The following WNT4 variants were observed in gnomAD, a reference collection of about 807,000 sequenced individuals.
WNT4 encodes the protein Wnt family member 4.
WNT4 carries 16 observed loss-of-function variants against 34.5 expected under a neutral mutation model. The ratio of observed to expected loss-of-function variants is 0.46; its 90% confidence interval spans 0.31 to 0.70. The LOEUF (loss-of-function observed/expected upper bound fraction) is 0.70, where lower values mean the gene tolerates loss of function less well. WNT4 is among the 30% of genes least tolerant of loss of function. WNT4 has a pLI of 0.04. For missense variants in WNT4, 379 were observed against 495.9 expected (o/e 0.76, Z 2.24); for synonymous variants, 200 against 211.9 (o/e 0.94, Z 0.49).
At chr1:22,123,045 A>G (rs1314024509) in intron 2 of WNT4, among the ~76,000 whole-genome samples, 2 of 152,188 alleles carry the variant, frequency 1.3e-5, no homozygotes, top group Non-Finnish European at 2.9e-5. Context: ...TAATAGCAGG[A>G]TCATGTTGGT....
Position 22,121,225 on chromosome 1 carries a change from C to A in WNT4, c.574G>T (p.Glu192Ter). 6.2e-7 allele frequency: 1 copy of A among 1,614,046 alleles called. No individual in the cohort carries two copies. Among genetic ancestry groups the A allele is most frequent in the South Asian group, 1.1e-5 (1 of 91,082 alleles). ...SRALMNLHNN[E>*]AGRKAILTHM... is the part of the protein sequence containing the mutation. ...TGCCACACTACCTTCCTGCCGGCCT[C>A]ATTGTTGTGGAGGTTCATGAGGGCT... Residue 192 changes from glutamate to a stop codon, truncating the protein, a stop_gained, in exon 4 of 5, where the codon GAG becomes TAG. Coordinates refer to ENST00000290167, the MANE Select transcript of WNT4 (RefSeq NM_030761.5). LOFTEE classifies it high-confidence loss of function.
Position 22,121,488 on chromosome 1 carries a change from C to G in WNT4, c.402G>C (p.Glu134Asp). Residue 134 changes from glutamate to aspartate, a missense_variant, in exon 3 of 5, where the codon GAG becomes GAC. Coordinates refer to ENST00000290167, the MANE Select transcript of WNT4 (RefSeq NM_030761.5). ...GCACTGTCCTGTCACAGCCGCACTT[C>G]TCCAGCTCCCCACTGCTGCACGCCC... ...VTRACSSGEL[E>D]KCGCDRTVHG... 1 of 1,614,104 alleles carries G rather than the reference C, an allele frequency of 6.2e-7. No individual in the cohort carries two copies. Among genetic ancestry groups the G allele is most frequent in the South Asian group, 1.1e-5 (1 of 91,090 alleles).
Position 22,120,521 on chromosome 1 carries a change from TGGGAGAGGGTGG to T in WNT4, c.589-16_589-5del. On this transcript the variant is annotated splice_polypyrimidine_tract_variant and splice_region_variant and intron_variant, in intron 4 of 4. Transcript: ENST00000290167. ...CCCGCATGTGTGTCAGGATGGCCTG[TGGGAGAGGGTGG>T]GGGAGAGGGGCCATCAGGAGATGGC... is the stretch of plus-strand genomic sequence containing the variant. The T allele has an allele frequency of 6.2e-7, 1 of 1,604,486 alleles. No individual in the cohort carries two copies. The highest frequency in any genetic ancestry group is 8.5e-7 in the Non-Finnish European group (1 of 1,176,118).
In WNT4 at chr1:22,121,205, C is replaced by T; in HGVS notation, c.588+6G>A. The T allele has an allele frequency of 1.9e-6, 3 of 1,613,952 alleles. No individual in the cohort carries two copies. Among genetic ancestry groups the T allele is most frequent in the South Asian group, 1.1e-5 (1 of 91,078 alleles). On this transcript the variant is annotated splice_donor_region_variant and intron_variant, in intron 4 of 4. Coordinates refer to ENST00000290167, the MANE Select transcript of WNT4 (RefSeq NM_030761.5). ...CCGCTCTTGGTGGGGGGTAGTGCCA[C>T]ACTACCTTCCTGCCGGCCTCATTGT...
intron 1 of WNT4, among the ~76,000 whole-genome samples, chr1:22,136,317 A>G (rs1041057422): frequency 2.0e-5 from 3 of 152,060 alleles, no homozygotes; most frequent in African/African-American, 7.3e-5. Flanking sequence ...TGCTAGACCC[A>G]TCCGACCTGT....
Position 22,142,806 on chromosome 1 carries a change from C to T in WNT4, c.77+40G>A. 5.3e-6 allele frequency: 6 copies of T among 1,122,030 alleles called. No homozygotes were observed. The highest frequency in any genetic ancestry group is 6.7e-6 in the Non-Finnish European group (6 of 894,570). The allele number at this position is 1,122,030 out of a possible 1,614,324, so 69.5% of individuals were successfully genotyped here. ...ACCGGCCGCTGCCCCCGGGGCCTGCCCCGCCCCGCCCCGCCCCGCTCGGCC... is the reference window on the plus strand; with the variant it reads ...ACCGGCCGCTGCCCCCGGGGCCTGCTCCGCCCCGCCCCGCCCCGCTCGGCC... On this transcript the variant is annotated intron_variant, in intron 1 of 4. Coordinates refer to ENST00000290167, the MANE Select transcript of WNT4 (RefSeq NM_030761.5). This position sits in a 1 kb window ranked among gnomAD's most constrained non-coding sequence, Gnocchi z 6.0.
Position 22,142,857 on chromosome 1 carries a change from C to T in WNT4, c.66G>A (p.Ala22=). The T allele has an allele frequency of 8.3e-7, 1 of 1,211,908 alleles. No homozygotes were observed. Among genetic ancestry groups the T allele is most frequent in the Non-Finnish European group, 1.1e-6 (1 of 947,190 alleles). 75.1% of individuals were successfully genotyped at this position (1,211,908 alleles called of 1,614,324 possible). A position where few individuals can be genotyped will look rare whatever the true frequency, so the allele number is the denominator to read the frequency against. Residue 22 remains alanine (A), a synonymous_variant, in exon 1 of 5, where the codon GCG becomes GCA. Coordinates refer to ENST00000290167, the MANE Select transcript of WNT4 (RefSeq NM_030761.5). This position sits in a 1 kb window ranked among gnomAD's most constrained non-coding sequence, Gnocchi z 6.0. ...CCGGCCAGACTTACAGCCAGTTGCT[C>T]GCGGCGGCTGAGAAGACGGCGAAGA... ...LLVFAVFSAA[A]SNWLYLAKLS...
In WNT4 at chr1:22,139,976, C is replaced by A. The variant is rs1646053234; in HGVS notation, c.77+2870G>T. ...CTGCCCAGGCCTCAGGCTGCCCTCC[C>A]AGCTCCAGGCTCCATCCTGCCCAAC... is the stretch of plus-strand genomic sequence containing the variant. On this transcript the variant is annotated intron_variant, in intron 1 of 4. Transcript: ENST00000290167. This position sits in a 1 kb window ranked among gnomAD's most constrained non-coding sequence, Gnocchi z 4.6. 6.6e-6 allele frequency among the ~76,000 whole-genome samples: 1 copy of A among 152,230 alleles called. No homozygotes were observed. The highest frequency in any genetic ancestry group is 2.1e-4 in the South Asian group (1 of 4,828).
chr1:22,142,901 G>A lies in WNT4; in HGVS notation c.22C>T (p.Arg8Cys). ...GCGAAGACGAGGAGGCGCAGCGAAC[G>A]CAGGCACGAGCGGGGACTCATGGTG... MSPRSCL[R>C]SLRLLVFAVF... The change falls in exon 1 of 5, where the codon CGT becomes TGT. Residue 8 changes from arginine (R) to cysteine (C), a missense_variant. Physicochemically the swap from Arg to Cys is radical, Grantham distance 180. Transcript: ENST00000290167. The surrounding 1 kb of genome is among the most constrained non-coding windows in gnomAD (Gnocchi z 6.0). 8.3e-7 allele frequency: 1 copy of A among 1,207,220 alleles called. No individual in the cohort carries two copies. The highest frequency in any genetic ancestry group is 1.4e-5 in the South Asian group (1 of 72,662). 74.8% of individuals were successfully genotyped at this position (1,207,220 alleles called of 1,614,324 possible). A position where few individuals can be genotyped will look rare whatever the true frequency, so the allele number is the denominator to read the frequency against.
chr1:22,131,937 G>C (rs1303975914), intron 1 of WNT4, among the ~76,000 whole-genome samples: 1 of 152,192 alleles, frequency 6.6e-6, no homozygotes, highest in East Asian at 1.9e-4. Flanking sequence ...GGGCAGGAAG[G>C]GGGCTGAGAA....
In WNT4 at chr1:22,134,411, C is replaced by T. The variant is rs917259040; in HGVS notation, c.78-4560G>A. 6.6e-6 allele frequency among the ~76,000 whole-genome samples: 1 copy of T among 152,198 alleles called. No individual in the cohort carries two copies. Among genetic ancestry groups the T allele is most frequent in the Admixed American group, 6.5e-5 (1 of 15,282 alleles). On this transcript the variant is annotated intron_variant, in intron 1 of 4. Coordinates refer to ENST00000290167, the MANE Select transcript of WNT4 (RefSeq NM_030761.5). The surrounding 1 kb of genome is among the most constrained non-coding windows in gnomAD (Gnocchi z 4.1). ...TTCCCAAGATCCTAACCATACCCCCCACTCACTTTTACATCTTTGAATGTT... is the reference window on the plus strand; with the variant it reads ...TTCCCAAGATCCTAACCATACCCCCTACTCACTTTTACATCTTTGAATGTT...
intron 1 of WNT4, among the ~76,000 whole-genome samples, chr1:22,131,842 C>G (rs1645986177): frequency 1.3e-5 from 2 of 152,212 alleles, no homozygotes; most frequent in Non-Finnish European, 2.9e-5. Flanking sequence ...TTCCTATCTA[C>G]CAGGTGGTTC....
rs1488515085 is a variant in WNT4 at position 22,142,058 on chromosome 1, T to G, written c.77+788A>C. Reference sequence around the variant, plus strand: ...CTGTCCACCCACTCACTGGAGCTCATCCCTTTAGTCTCCCTCCCTGCAGCA... The same window carrying G: ...CTGTCCACCCACTCACTGGAGCTCAGCCCTTTAGTCTCCCTCCCTGCAGCA... On this transcript the variant is annotated intron_variant, in intron 1 of 4. Coordinates refer to ENST00000290167, the MANE Select transcript of WNT4 (RefSeq NM_030761.5). This position sits in a 1 kb window ranked among gnomAD's most constrained non-coding sequence, Gnocchi z 6.0. Among the ~76,000 whole-genome samples the G allele has an allele frequency of 3.9e-5, 6 of 152,132 alleles. No homozygotes were observed. Among genetic ancestry groups the G allele is most frequent in the Non-Finnish European group, 7.4e-5 (5 of 68,020 alleles).
Position 22,142,892 on chromosome 1 carries a change from G to A in WNT4, c.31C>T (p.Arg11Cys), listed in dbSNP as rs570701046. The A allele has an allele frequency of 1.7e-6, 2 of 1,209,280 alleles. No homozygotes were observed. The highest frequency in any genetic ancestry group is 1.1e-6 in the Non-Finnish European group (1 of 944,884). 74.9% of individuals were successfully genotyped at this position (1,209,280 alleles called of 1,614,324 possible). A position where few individuals can be genotyped will look rare whatever the true frequency, so the allele number is the denominator to read the frequency against. The change falls in exon 1 of 5, where the codon CGC (arginine) becomes TGC (cysteine). Residue 11 changes from arginine to cysteine, a missense_variant. This residue lies in a region of WNT4 where 66 missense variants were observed against 50.1 expected (regional missense o/e 1.32). Transcript: ENST00000290167. The surrounding 1 kb of genome is among the most constrained non-coding windows in gnomAD (Gnocchi z 6.0). MSPRSCLRSL[R>C]LLVFAVFSAA... Reference sequence around the variant, plus strand: ...GAGAAGACGGCGAAGACGAGGAGGCGCAGCGAACGCAGGCACGAGCGGGGA... The same window carrying A: ...GAGAAGACGGCGAAGACGAGGAGGCACAGCGAACGCAGGCACGAGCGGGGA...
rs1040130784 is a variant in WNT4, at chr1:22,118,286, C to T, written c.*1764G>A. On this transcript the variant is annotated 3_prime_UTR_variant, in exon 5 of 5. Coordinates refer to ENST00000290167, the MANE Select transcript of WNT4 (RefSeq NM_030761.5). The stretch of plus-strand genomic sequence containing the variant: ...GCCAGGAGCTTGGAGTCTGGGAACC[C>T]CAAGTGGGGGATCACAGAGCATAAA... 1 of 152,174 alleles carries T rather than the reference C, an allele frequency of 6.6e-6. No homozygotes were observed. The highest frequency in any genetic ancestry group is 2.4e-5 in the African/African-American group (1 of 41,422). 9.4% of individuals were successfully genotyped at this position (152,174 alleles called of 1,614,324 possible). A position where few individuals can be genotyped will look rare whatever the true frequency, so the allele number is the denominator to read the frequency against.
At position 22,129,389 on chromosome 1, in the gene WNT4, C is replaced by T. The variant is rs576007341; in HGVS notation, c.313+227G>A. ...GAGTGCTGCCTCAACACAGAGCTGC[C>T]GCCTCTTCTGATGGCCCCCATCCCA... On this transcript the variant is annotated intron_variant, in intron 2 of 4. Coordinates refer to ENST00000290167, the MANE Select transcript of WNT4 (RefSeq NM_030761.5). Among the ~76,000 whole-genome samples, 27 of 152,300 alleles carry T rather than the reference C, an allele frequency of 1.8e-4. No individual in the cohort carries two copies. The South Asian group carries it at 3.9e-3, about 22-fold the overall frequency.
At chr1:22,127,144 T>G (rs2124113544) in intron 2 of WNT4, 2 of 388,464 alleles carry the variant, frequency 5.1e-6, no homozygotes, top group South Asian at 3.9e-5. Flanking sequence ...GACTGGCACC[T>G]GCCGAGTGTG....
At chr1:22,138,639 C>T (rs541156514) in intron 1 of WNT4, among the ~76,000 whole-genome samples, 1 of 152,264 alleles carries the variant, frequency 6.6e-6, no homozygotes, top group East Asian at 1.9e-4. Flanking sequence ...AATTCACTGC[C>T]CAGAGCCACG....
intron 2 of WNT4, among the ~76,000 whole-genome samples, chr1:22,125,352 T>C (rs7526484): frequency 0.77 from 116,799 of 152,042 alleles, 44,987 homozygotes; most frequent in East Asian, 0.88. Flanking sequence ...CTGTAACTTA[T>C]AGCATCGAAA....
Sources: gnomAD v4.1 joint callset for allele counts (sites outside exome capture counted in the v4.1 genomes callset) on GRCh38, gnomAD v4.1.1 for gene constraint, gnomAD v4.1.1 regional missense constraint, Gnocchi (gnomAD v3.1) non-coding constraint, MANE v1.5 for transcripts, NCBI Gene and HGNC (gene_info 2026-07-23, HGNC 2026-07-21) for gene names.